The following SKAP2 variants were observed in gnomAD, a reference collection of about 807,000 sequenced individuals.
The protein encoded by SKAP2 is src kinase-associated phosphoprotein 2.
A neutral mutation model predicts 54.9 loss-of-function variants in SKAP2; 28 were observed. The ratio of observed to expected loss-of-function variants is 0.51; its 90% confidence interval spans 0.38 to 0.70. The LOEUF (loss-of-function observed/expected upper bound fraction) is 0.70, where lower values mean the gene tolerates loss of function less well. SKAP2 is among the 30% of genes least tolerant of loss of function. The probability of loss-of-function intolerance (pLI) is 0.00; values close to 1 mark genes in which losing one functional copy is unlikely to be tolerated. For missense variants in SKAP2, 356 were observed against 424.1 expected (o/e 0.84, Z 1.41); for synonymous variants, 137 against 134.3 (o/e 1.02, Z -0.14).
intron 9 of SKAP2, among the ~76,000 whole-genome samples, chr7:26,701,617 C>A (rs1438418233): frequency 1.3e-5 from 2 of 152,076 alleles, no homozygotes; most frequent in East Asian, 3.9e-4. Flanking sequence ...CCTGTAAACC[C>A]AGGAGGCTGA....
chr7:26,864,062 C>CACAA, intron 1 of SKAP2, among the ~76,000 whole-genome samples: 1 of 148,926 alleles, frequency 6.7e-6, no homozygotes, highest in East Asian at 2.0e-4. Flanking sequence ...CTGTCACACA[C>CACAA]ACACACACAC....
chr7:26,735,125 C>A (rs1018626990), intron 6 of SKAP2, among the ~76,000 whole-genome samples: 16 of 152,276 alleles, frequency 1.1e-4, no homozygotes, highest in African/African-American at 3.9e-4. Context: ...CCCTCTCTCA[C>A]TGATATCCAC....
intron 4 of SKAP2, among the ~76,000 whole-genome samples, chr7:26,741,774 G>A (rs1782461111): frequency 6.6e-6 from 1 of 150,968 alleles, no homozygotes; most frequent in Non-Finnish European, 1.5e-5. Context: ...AAAAGAATGG[G>A]TTTGATAGGA....
intron 4 of SKAP2, among the ~76,000 whole-genome samples, chr7:26,798,133 T>C (rs58390116): frequency 0.015 from 2,255 of 152,030 alleles, 63 homozygotes; most frequent in African/African-American, 0.05. Context: ...TTAAAGCATT[T>C]AATAGTCAAA....
chr7:26,730,300 T>C (rs1236225984), intron 6 of SKAP2, among the ~76,000 whole-genome samples: 1 of 152,188 alleles, frequency 6.6e-6, no homozygotes, highest in African/African-American at 2.4e-5. Flanking sequence ...TTATCAAAAA[T>C]AGTAAAATGC....
intron 4 of SKAP2, among the ~76,000 whole-genome samples, chr7:26,797,659 GA>G (rs1224850789): frequency 6.6e-6 from 1 of 152,062 alleles, no homozygotes; most frequent in Non-Finnish European, 1.5e-5. Context: ...AGGAAAACAT[GA>G]CTTCACCAAA....
In SKAP2 at chr7:26,725,995, A is replaced by C; in HGVS notation, c.595-9T>G. On this transcript the variant is annotated splice_polypyrimidine_tract_variant and intron_variant, in intron 7 of 12. Coordinates refer to ENST00000345317, the MANE Select transcript of SKAP2 (RefSeq NM_003930.5). Reference sequence around the variant, plus strand: ...GGAGAAGCTGCTGTAAACTAATATAAAACAAACAGTAAGAACGAAAATCAC... The same window carrying C: ...GGAGAAGCTGCTGTAAACTAATATACAACAAACAGTAAGAACGAAAATCAC... 1.3e-6 allele frequency: 2 copies of C among 1,597,286 alleles called. No individual in the cohort carries two copies. The highest frequency in any genetic ancestry group is 1.7e-6 in the Non-Finnish European group (2 of 1,167,088).
intron 9 of SKAP2, among the ~76,000 whole-genome samples, chr7:26,706,902 A>T (rs1232681686): frequency 6.6e-6 from 1 of 152,254 alleles, no homozygotes; most frequent in Admixed American, 6.5e-5. Context: ...TTGGGTCTGG[A>T]TGGATCTCTA....
rs556455252 is a variant in SKAP2, at chr7:26,726,317, C to G, written c.595-331G>C. 1.8e-4 allele frequency among the ~76,000 whole-genome samples: 28 copies of G among 152,246 alleles called. No individual in the cohort carries two copies. In the South Asian group the frequency reaches 5.6e-3, roughly 30 times the overall value. ...ATGAATTTCTTTAGACTGCTGCACA[C>G]AGTTTTCTTAAAAATGTTCTTGTCA... On this transcript the variant is annotated intron_variant, in intron 7 of 12. Coordinates refer to ENST00000345317, the MANE Select transcript of SKAP2 (RefSeq NM_003930.5).
intron 9 of SKAP2, among the ~76,000 whole-genome samples, chr7:26,725,219 C>T (rs778796077): frequency 6.6e-6 from 1 of 152,084 alleles, no homozygotes; most frequent in Non-Finnish European, 1.5e-5. Flanking sequence ...ATTCACTTTT[C>T]GTAAGTTACA....
At chr7:26,815,621 G>A (rs1196747720) in intron 4 of SKAP2, among the ~76,000 whole-genome samples, 1 of 152,104 alleles carries the variant, frequency 6.6e-6, no homozygotes, top group East Asian at 1.9e-4. Flanking sequence ...CAGATTGGCA[G>A]TTCGACCCTG....
chr7:26,722,971 A>C (rs543966812), intron 9 of SKAP2, among the ~76,000 whole-genome samples: 85 of 152,294 alleles, frequency 5.6e-4, no homozygotes, highest in African/African-American at 1.9e-3. Flanking sequence ...GTATTATTTA[A>C]TTCTGGGAAT....
intron 4 of SKAP2, among the ~76,000 whole-genome samples, chr7:26,771,239 A>C (rs1036545513): frequency 6.6e-6 from 1 of 152,224 alleles, no homozygotes; most frequent in South Asian, 2.1e-4. Context: ...TAATCAGTCT[A>C]GGACTCAAAC....
At chr7:26,862,473 ATG>A (rs1414254464) in intron 1 of SKAP2, among the ~76,000 whole-genome samples, 16 of 152,044 alleles carry the variant, frequency 1.1e-4, no homozygotes, top group East Asian at 1.9e-4. Context: ...TTAATACTTC[ATG>A]TGTGTTTTAA....
At chr7:26,813,673 C>T (rs1235592871) in intron 4 of SKAP2, among the ~76,000 whole-genome samples, 2 of 152,288 alleles carry the variant, frequency 1.3e-5, no homozygotes, top group South Asian at 2.1e-4. Flanking sequence ...TGTTGCTGAC[C>T]GCTGGCTGAA....
At chr7:26,747,785 C>G (rs541240841) in intron 4 of SKAP2, among the ~76,000 whole-genome samples, 6 of 150,304 alleles carry the variant, frequency 4.0e-5, no homozygotes, top group African/African-American at 1.5e-4. Context: ...TCCCCCTCTT[C>G]CCTCCCCTCC....
chr7:26,752,316 C>A (rs568832094), intron 4 of SKAP2, among the ~76,000 whole-genome samples: 2 of 152,206 alleles, frequency 1.3e-5, no homozygotes, highest in South Asian at 4.1e-4. Context: ...TCCCATGGTT[C>A]TCAATGTCCT....
At chr7:26,664,626 A>G (rs1786074411), downstream of SKAP2, among the ~76,000 whole-genome samples, 1 of 151,872 alleles carries the variant, frequency 6.6e-6, no homozygotes. Flanking sequence ...AGCAGGAGTG[A>G]TATTTTTATA....
intron 3 of SKAP2, among the ~76,000 whole-genome samples, chr7:26,851,765 G>C (rs751218046): frequency 2.7e-5 from 4 of 150,940 alleles, no homozygotes; most frequent in Non-Finnish European, 4.4e-5. Flanking sequence ...AATCTGTATT[G>C]TTAAATCTCA....
Sources: gnomAD v4.1 joint callset for allele counts (sites outside exome capture counted in the v4.1 genomes callset) on GRCh38, gnomAD v4.1.1 for gene constraint, MANE v1.5 for transcripts, NCBI Gene and HGNC (gene_info 2026-07-23, HGNC 2026-07-21) for gene names.